Variants in DLC1 observed in about 807,000 individuals in gnomAD.
DLC1 encodes the protein DLC1 Rho GTPase activating protein, also known as rho GTPase-activating protein 7.
A neutral mutation model predicts 140.3 loss-of-function variants in DLC1; 54 were observed. The ratio of observed to expected loss-of-function variants is 0.38; its 90% CI spans 0.31 to 0.48. The LOEUF is 0.48. Ranked by LOEUF, DLC1 falls within the 20% of genes least tolerant of loss-of-function variation. The probability of loss-of-function intolerance (pLI) is 0.96; values close to 1 mark genes in which losing one functional copy is unlikely to be tolerated. For synonymous variants in DLC1, 986 were observed against 728.1 expected (o/e 1.35, Z -5.70); for missense variants, 2,536 against 1,907.0 (o/e 1.33, Z -6.14).
chr8:13,367,531 T>TACA (rs372607133), intron 4 of DLC1, among the ~76,000 whole-genome samples: 8 of 152,146 alleles, frequency 5.3e-5, no homozygotes, highest in African/African-American at 1.9e-4. Context: ...GTTTCTTGAT[T>TACA]ACAACAACAA....
chr8:13,175,064 A>C (rs980827768), intron 5 of DLC1, among the ~76,000 whole-genome samples: 1 of 152,192 alleles, frequency 6.6e-6, no homozygotes, highest in Non-Finnish European at 1.5e-5. Flanking sequence ...GTAGGGGTCC[A>C]TTCTTCTGCA....
At chr8:13,411,585 A>T (rs1837787543) in intron 2 of DLC1, among the ~76,000 whole-genome samples, 1 of 152,194 alleles carries the variant, frequency 6.6e-6, no homozygotes, top group African/African-American at 2.4e-5. Flanking sequence ...ATTGATTGTT[A>T]CAAATGTACT....
At chr8:13,517,641 C>T (rs1038944572), upstream of DLC1, among the ~76,000 whole-genome samples, 6 of 152,122 alleles carry the variant, frequency 3.9e-5, no homozygotes, top group Non-Finnish European at 7.4e-5. Context: ...ATATTTGTCC[C>T]CTTCTTTCTA....
chr8:13,089,467 A>G lies in DLC1; in HGVS notation c.4075-763T>C, dbSNP rs145455965. Among the ~76,000 whole-genome samples the G allele has an allele frequency of 9.4e-3, 1,432 of 152,038 alleles. 25 individuals carry two copies. Among genetic ancestry groups the G allele is most frequent in the African/African-American group, 0.032 (1,332 of 41,472 alleles). Reference sequence around the variant, plus strand: ...TGGTGAAACCCCGTCTCTACTAAAAATACAAAAATTAGCATGGCGTGGTGG... The same window carrying G: ...TGGTGAAACCCCGTCTCTACTAAAAGTACAAAAATTAGCATGGCGTGGTGG... On this transcript the variant is annotated intron_variant, in intron 15 of 17. Coordinates refer to ENST00000276297, the MANE Select transcript of DLC1 (RefSeq NM_182643.3).
chr8:13,189,153 C>A (rs17186334), intron 5 of DLC1, among the ~76,000 whole-genome samples: 3 of 152,152 alleles, frequency 2.0e-5, no homozygotes, highest in South Asian at 4.2e-4. Flanking sequence ...TTTCAACTCT[C>A]TCTGCGGAAA....
At chr8:13,511,727 C>A (rs1427671593) in intron 1 of DLC1, among the ~76,000 whole-genome samples, 1 of 152,100 alleles carries the variant, frequency 6.6e-6, no homozygotes, top group East Asian at 1.9e-4. Flanking sequence ...ATGTGCAATT[C>A]TTGACATGTC....
chr8:13,470,081 C>T (rs759965061), intron 2 of DLC1, among the ~76,000 whole-genome samples: 2 of 151,972 alleles, frequency 1.3e-5, no homozygotes, highest in Non-Finnish European at 2.9e-5. Flanking sequence ...ATTTTTTTCC[C>T]CCTTTGGTGA....
At chr8:13,570,308 A>G (rs1322814053) in intron 1 of DLC1, among the ~76,000 whole-genome samples, 2 of 113,202 alleles carry the variant, frequency 1.8e-5, no homozygotes, top group African/African-American at 6.9e-5. Context: ...TTTTTTTTTT[A>G]TTATACTTTA....
chr8:13,601,538 T>C (rs1186187570), intron 1 of DLC1, among the ~76,000 whole-genome samples: 1 of 151,744 alleles, frequency 6.6e-6, no homozygotes, highest in Non-Finnish European at 1.5e-5. Flanking sequence ...CTACTATTCA[T>C]TGGAAAGCAC....
At chr8:13,227,508 T>G (rs113401463) in intron 5 of DLC1, among the ~76,000 whole-genome samples, 163 of 152,284 alleles carry the variant, frequency 1.1e-3, no homozygotes, top group African/African-American at 3.9e-3. Flanking sequence ...GTACCTGTGC[T>G]TCACTGGTAG....
intron 5 of DLC1, among the ~76,000 whole-genome samples, chr8:13,302,574 T>C (rs1374163462): frequency 2.0e-5 from 3 of 152,198 alleles, no homozygotes; most frequent in African/African-American, 7.2e-5. Context: ...ATTAATGGAA[T>C]GTGCCCCAAA....
chr8:13,482,772 G>A (rs916957551), intron 2 of DLC1, among the ~76,000 whole-genome samples: 7 of 152,138 alleles, frequency 4.6e-5, no homozygotes, highest in African/African-American at 1.4e-4. Flanking sequence ...TTGAAGTGCC[G>A]TGCTTGTCTT....
intron 4 of DLC1, among the ~76,000 whole-genome samples, chr8:13,307,048 C>G (rs114471291): frequency 1.0e-4 from 13 of 128,950 alleles, no homozygotes; most frequent in Non-Finnish European, 1.4e-4. Context: ...CACACCATTG[C>G]ACTCCATCCA....
intron 5 of DLC1, among the ~76,000 whole-genome samples, chr8:13,148,046 T>G (rs1823559693): frequency 6.6e-6 from 1 of 152,212 alleles, no homozygotes; most frequent in African/African-American, 2.4e-5. Flanking sequence ...CATTGTTGTA[T>G]TCTTCCTCTC....
At chr8:13,207,649 A>T (rs1349843999) in intron 5 of DLC1, among the ~76,000 whole-genome samples, 1 of 152,142 alleles carries the variant, frequency 6.6e-6, no homozygotes. Context: ...TGTTACATGA[A>T]CGTTATTTAG....
At chr8:13,316,890 G>T (rs1016947963) in intron 4 of DLC1, among the ~76,000 whole-genome samples, 2 of 152,014 alleles carry the variant, frequency 1.3e-5, no homozygotes, top group Admixed American at 6.6e-5. Context: ...ATAATCTTAT[G>T]TTAAGGGTTT....
At chr8:13,524,418 G>A (rs1025471609) in intron 1 of DLC1, among the ~76,000 whole-genome samples, 3 of 151,884 alleles carry the variant, frequency 2.0e-5, no homozygotes, top group East Asian at 1.9e-4. Flanking sequence ...TATTACAGGC[G>A]TGAGCTATCT....
intron 1 of DLC1, among the ~76,000 whole-genome samples, chr8:13,576,823 T>C (rs12549081): frequency 0.22 from 33,481 of 152,020 alleles, 3,806 homozygotes; most frequent in East Asian, 0.34. Flanking sequence ...AAGGATAGAG[T>C]TGTGCAAGTG....
chr8:13,085,814 C>T lies in DLC1; in HGVS notation c.4584G>A (p.Arg1528=). The T allele has an allele frequency of 6.2e-7, 1 of 1,614,114 alleles. No individual in the cohort carries two copies. The highest frequency in any genetic ancestry group is 8.5e-7 in the Non-Finnish European group (1 of 1,180,014). The part of the protein sequence containing the change: ...QNTETKDTKS[R] ...AGCGGTTGCGTTGCTTCAGTGATCA[C>T]CTAGATTTGGTGTCTTTGGTTTCAG... The change falls in exon 18 of 18, where the codon AGG becomes AGA. Residue 1528 remains arginine, a synonymous_variant. Coordinates refer to ENST00000276297, the MANE Select transcript of DLC1 (RefSeq NM_182643.3).
Sources: gnomAD v4.1 joint callset for allele counts (sites outside exome capture counted in the v4.1 genomes callset) on GRCh38, gnomAD v4.1.1 for gene constraint, MANE v1.5 for transcripts, NCBI Gene and HGNC (gene_info 2026-07-23, HGNC 2026-07-21) for gene names.